KIF6: variants seen among roughly 807,000 people sequenced by gnomAD.
KIF6 encodes the protein kinesin family member 6.
Under a neutral mutation model 112.7 loss-of-function variants are expected in KIF6, and 106 were observed. The ratio of observed to expected loss-of-function variants is 0.94; its 90% CI spans 0.80 to 1.11. The LOEUF is 1.11. Among genes scored for constraint, KIF6 ranks in the 50% least tolerant of loss-of-function variants. KIF6 has a pLI of 0.00. For missense variants in KIF6, 929 were observed against 964.0 expected, an observed-to-expected ratio of 0.96 and a Z score of 0.48; for synonymous variants, 339 against 339.9, an observed-to-expected ratio of 1.00 and a Z score of 0.03.
intron 3 of KIF6, among the ~76,000 whole-genome samples, chr6:39,663,392 T>C (rs535313580): frequency 1.3e-5 from 2 of 151,888 alleles, no homozygotes; most frequent in Non-Finnish European, 2.9e-5. Context: ...AAGTAGGGAG[T>C]TAAGCCATAA....
intron 3 of KIF6, among the ~76,000 whole-genome samples, chr6:39,679,613 T>C (rs1223159923): frequency 8.5e-6 from 1 of 117,934 alleles, no homozygotes; most frequent in East Asian, 3.0e-4. Flanking sequence ...TCTTTTCTTT[T>C]CTTTTTTTTT....
At chr6:39,498,982 G>T (rs968004331) in intron 13 of KIF6, among the ~76,000 whole-genome samples, 1 of 152,184 alleles carries the variant, frequency 6.6e-6, no homozygotes, top group Admixed American at 6.5e-5. Context: ...GTTGATAAAT[G>T]CTTTGGAAAG....
intron 9 of KIF6, 143 bp from the exon 10 acceptor site, chr6:39,578,302 C>T (rs1009883773): frequency 2.8e-5 from 15 of 539,024 alleles, no homozygotes; most frequent in Non-Finnish European, 4.0e-5. Context: ...TTTGTTAAAT[C>T]TTAACGTTTT....
At chr6:39,336,657 G>A (rs1445287024) in intron 22 of KIF6, 109 bp from the exon 23 acceptor site, 1 of 938,620 alleles carries the variant, frequency 1.1e-6, no homozygotes, top group African/African-American at 1.6e-5. Context: ...CCTGGGTCTT[G>A]GGCACTGCAT....
At chr6:39,652,968 A>G (rs979350665) in intron 3 of KIF6, among the ~76,000 whole-genome samples, 1 of 152,246 alleles carries the variant, frequency 6.6e-6, no homozygotes, top group African/African-American at 2.4e-5. Context: ...AGAAGTTAGT[A>G]GGAAAAAATA....
chr6:39,454,827 C>T (rs1451587782), intron 13 of KIF6, among the ~76,000 whole-genome samples: 3 of 152,074 alleles, frequency 2.0e-5, no homozygotes, highest in Non-Finnish European at 2.9e-5. Flanking sequence ...TAAAAAACGG[C>T]GCACCACGAG....
At chr6:39,717,930 T>C (rs1231062214) in intron 2 of KIF6, among the ~76,000 whole-genome samples, 3 of 152,156 alleles carry the variant, frequency 2.0e-5, no homozygotes, top group Non-Finnish European at 4.4e-5. Flanking sequence ...TGTATCTATA[T>C]AAAGAATACT....
At chr6:39,693,099 T>C (rs926651879) in intron 3 of KIF6, among the ~76,000 whole-genome samples, 4 of 152,336 alleles carry the variant, frequency 2.6e-5, no homozygotes, top group Admixed American at 2.0e-4. Flanking sequence ...TGTACGCATA[T>C]GCCCCTGGGA....
intron 15 of KIF6, 26 bp from the exon 16 acceptor site, chr6:39,385,698 C>T (rs1253416811): frequency 6.3e-7 from 1 of 1,581,650 alleles, no homozygotes. Flanking sequence ...AAGAAAACTA[C>T]CAGTGGGTTT....
intron 10 of KIF6, among the ~76,000 whole-genome samples, chr6:39,546,012 G>A (rs1779051654): frequency 6.6e-6 from 1 of 152,094 alleles, no homozygotes; most frequent in African/African-American, 2.4e-5. Flanking sequence ...AAAAAGTAAT[G>A]AGAATGTATT....
rs1762759603 is a variant in KIF6 at position 39,332,032 on chromosome 6, CT to C, written c.*4499del. 6.6e-6 allele frequency: 1 copy of C among 151,590 alleles called. No individual in the cohort carries two copies. Among genetic ancestry groups the C allele is most frequent in the South Asian group, 2.1e-4 (1 of 4,804 alleles). The allele number at this position is 151,590 out of a possible 1,614,324, so 9.4% of individuals were successfully genotyped here. On this transcript the variant is annotated 3_prime_UTR_variant, in exon 23 of 23. Coordinates refer to ENST00000287152, the MANE Select transcript of KIF6 (RefSeq NM_145027.6). ...GCACAATTTCGGCTCACTGTAACCT[CT>C]GCCTCCTGGGCTCAAGCAATTCTCC...
chr6:39,521,931 A>G (rs1192355313), intron 13 of KIF6, among the ~76,000 whole-genome samples: 1 of 152,060 alleles, frequency 6.6e-6, no homozygotes, highest in Non-Finnish European at 1.5e-5. Context: ...CTGTCATCCC[A>G]TATATTATTC....
At chr6:39,707,053 A>G (rs1360436940) in intron 3 of KIF6, among the ~76,000 whole-genome samples, 4 of 152,224 alleles carry the variant, frequency 2.6e-5, no homozygotes, top group African/African-American at 7.2e-5. Context: ...TACATATTGC[A>G]TAACTGTAGT....
chr6:39,448,733 T>C (rs1196348173), intron 13 of KIF6, among the ~76,000 whole-genome samples: 1 of 152,218 alleles, frequency 6.6e-6, no homozygotes, highest in African/African-American at 2.4e-5. Context: ...TTCAGGTGCA[T>C]GGCTTTACGA....
At chr6:39,363,379 G>A (rs537783301) in intron 16 of KIF6, among the ~76,000 whole-genome samples, 2 of 152,288 alleles carry the variant, frequency 1.3e-5, no homozygotes, top group South Asian at 4.2e-4. Context: ...CTTGGCGATG[G>A]GACCATCATG....
At chr6:39,426,305 A>G (rs1305865500) in intron 14 of KIF6, among the ~76,000 whole-genome samples, 1 of 152,222 alleles carries the variant, frequency 6.6e-6, no homozygotes, top group Non-Finnish European at 1.5e-5. Flanking sequence ...CCAAAGGGCG[A>G]ACATCCTATT....
chr6:39,725,100 C>A, intron 1 of KIF6, 145 bp downstream of exon 1: 1 of 588,094 alleles, frequency 1.7e-6, no homozygotes, highest in Non-Finnish European at 2.8e-6. Flanking sequence ...CTGCAGGGCT[C>A]CTCGGTCAGT....
At chr6:39,434,590 A>AAAAC (rs773261469) in intron 13 of KIF6, among the ~76,000 whole-genome samples, 8,528 of 151,950 alleles carry the variant, frequency 0.056, 440 homozygotes, top group East Asian at 0.24. Context: ...CAAAACAAAA[A>AAAAC]AACAAAACAA....
Position 39,337,172 on chromosome 6 carries a change from C to CTTCCTTCTTTCTTTCT in KIF6, c.2429-625_2429-624insAGAAAGAAAGAAGGAA, listed in dbSNP as rs1554195076. ...TCTCTTTCTTTTCTTTCTTTCCTTC[C>CTTCCTTCTTTCTTTCT]TTCTTTCTTTCTTTCTTTCTTTCTT... On this transcript the variant is annotated intron_variant, in intron 22 of 22. Coordinates refer to ENST00000287152, the MANE Select transcript of KIF6 (RefSeq NM_145027.6). 2.3e-3 allele frequency among the ~76,000 whole-genome samples: 139 copies of CTTCCTTCTTTCTTTCT among 59,484 alleles called. 1 individual carries two copies. Among genetic ancestry groups the CTTCCTTCTTTCTTTCT allele is most frequent in the Admixed American group, 4.3e-3 (22 of 5,068 alleles). 39.0% of individuals were successfully genotyped at this position (59,484 alleles called of 152,430 possible). A position where few individuals can be genotyped will look rare whatever the true frequency, so the allele number is the denominator to read the frequency against.
Sources: allele counts gnomAD v4.1 joint callset (sites outside exome capture counted in the v4.1 genomes callset), GRCh38; gene constraint gnomAD v4.1.1; transcripts MANE v1.5; gene names NCBI Gene and HGNC (gene_info 2026-07-23, HGNC 2026-07-21).